The following RANBP9 variants were observed in gnomAD, a reference collection of about 807,000 sequenced individuals.
The protein encoded by RANBP9 is RAN binding protein 9.
A neutral mutation model predicts 84.3 loss-of-function variants in RANBP9; 15 were observed. That is an observed-to-expected ratio of 0.18 (90% confidence interval 0.12 to 0.27). The LOEUF (loss-of-function observed/expected upper bound fraction) is 0.27, where lower values mean the gene tolerates loss of function less well. Among genes scored for constraint, RANBP9 ranks in the 10% least tolerant of loss-of-function variants. The probability of loss-of-function intolerance (pLI) is 1.00; values close to 1 mark genes in which losing one functional copy is unlikely to be tolerated. For synonymous variants in RANBP9, 392 were observed against 349.6 expected, an observed-to-expected ratio of 1.12 and a Z score of -1.35; for missense variants, 809 against 912.8, an observed-to-expected ratio of 0.89 and a Z score of 1.46.
At chr6:13,663,565 T>C (rs972060038) in intron 2 of RANBP9, among the ~76,000 whole-genome samples, 7 of 152,098 alleles carry the variant, frequency 4.6e-5, no homozygotes, top group African/African-American at 1.7e-4. Context: ...TGCAAGTTTC[T>C]ATATTTTACA....
At chr6:13,705,602 C>G (rs1584951982) in intron 1 of RANBP9, among the ~76,000 whole-genome samples, 1 of 151,942 alleles carries the variant, frequency 6.6e-6, no homozygotes, top group African/African-American at 2.4e-5. Flanking sequence ...TGGCTCACGC[C>G]TGTAATCCCA....
chr6:13,702,691 C>T lies in RANBP9; in HGVS notation c.572-5795G>A, dbSNP rs1215413902. ...ATTAGAAGCTAAACACCAGGTAAAA[C>T]GTAACTCCACTATCAGCCGTTAAAA... On this transcript the variant is annotated intron_variant, in intron 1 of 13. Transcript: ENST00000011619. 2.6e-5 allele frequency among the ~76,000 whole-genome samples: 4 copies of T among 151,810 alleles called. 1 individual carries two copies. The South Asian group carries it at 6.2e-4, about 24-fold the overall frequency.
At chr6:13,692,876 G>A (rs1181710749) in intron 2 of RANBP9, among the ~76,000 whole-genome samples, 1 of 152,100 alleles carries the variant, frequency 6.6e-6, no homozygotes, top group Middle Eastern at 3.2e-3. Context: ...CAAAAAAATA[G>A]TTTTCTCCAA....
chr6:13,651,570 A>ATT (rs1303546065), intron 5 of RANBP9, among the ~76,000 whole-genome samples: 9 of 141,626 alleles, frequency 6.4e-5, no homozygotes, highest in Admixed American at 7.0e-5. Flanking sequence ...AATTTTTTGT[A>ATT]TTTTTTTTTT....
chr6:13,644,846 A>T (rs919796244), intron 5 of RANBP9, 117 bp from the exon 6 acceptor site: 2 of 878,470 alleles, frequency 2.3e-6, no homozygotes, highest in Non-Finnish European at 1.6e-6. Flanking sequence ...TTAAAATCCC[A>T]ATCAAAATAT....
rs1417167739 is a variant in RANBP9 at position 13,711,116 on chromosome 6, C to G, written c.390G>C (p.Ala130=). ...CCGAGTCCCCGTGAGGGAAGGGGGC[C>G]GCGGCGCTGCTGCCCGCCACCAGAG... ...TPALVAGSSA[A]APFPHGDSAL... Residue 130 remains alanine, a synonymous_variant, in exon 1 of 14, where the codon GCG becomes GCC. Transcript: ENST00000011619. The G allele has an allele frequency of 6.4e-7, 1 of 1,551,310 alleles. No individual in the cohort carries two copies. Among genetic ancestry groups the G allele is most frequent in the Non-Finnish European group, 8.7e-7 (1 of 1,149,266 alleles).
intron 2 of RANBP9, among the ~76,000 whole-genome samples, chr6:13,669,207 T>A (rs951844440): frequency 1.3e-5 from 2 of 152,070 alleles, no homozygotes; most frequent in African/African-American, 4.8e-5. Flanking sequence ...AACGACATTG[T>A]TGAAAAAATG....
At chr6:13,622,917 C>T (rs556508216) in intron 13 of RANBP9, among the ~76,000 whole-genome samples, 2 of 152,268 alleles carry the variant, frequency 1.3e-5, no homozygotes, top group East Asian at 3.9e-4. Flanking sequence ...GTTCTTCCAC[C>T]TCTGTGGATA....
intron 5 of RANBP9, among the ~76,000 whole-genome samples, chr6:13,651,776 A>G (rs1765303303): frequency 6.6e-6 from 1 of 151,922 alleles, no homozygotes; most frequent in Admixed American, 6.6e-5. Flanking sequence ...AAAGTCCACA[A>G]TGTCTTTGTA....
chr6:13,698,181 G>A (rs1757886609), intron 1 of RANBP9, among the ~76,000 whole-genome samples: 1 of 151,862 alleles, frequency 6.6e-6, no homozygotes, highest in Non-Finnish European at 1.5e-5. Flanking sequence ...AATGAATTCT[G>A]CCACTCCTTC....
intron 5 of RANBP9, among the ~76,000 whole-genome samples, chr6:13,650,899 G>A (rs1171921107): frequency 6.6e-6 from 1 of 152,070 alleles, no homozygotes; most frequent in African/African-American, 2.4e-5. Flanking sequence ...GGGAAGCAGA[G>A]GTTGCAGTGA....
intron 2 of RANBP9, among the ~76,000 whole-genome samples, chr6:13,677,901 T>C (rs1209453615): frequency 6.6e-6 from 1 of 152,094 alleles, no homozygotes; most frequent in Non-Finnish European, 1.5e-5. Context: ...GTGGATCACT[T>C]GAACCCAACA....
intron 2 of RANBP9, among the ~76,000 whole-genome samples, chr6:13,677,105 C>A (rs1765903628): frequency 6.6e-6 from 1 of 152,000 alleles, no homozygotes; most frequent in Admixed American, 6.6e-5. Flanking sequence ...TTTATGCAGA[C>A]AACATCAAAG....
intron 2 of RANBP9, among the ~76,000 whole-genome samples, chr6:13,662,523 G>A (rs966501228): frequency 6.6e-6 from 1 of 152,100 alleles, no homozygotes; most frequent in Non-Finnish European, 1.5e-5. Context: ...TATGAGATGG[G>A]GCCTCTGGGA....
At position 13,641,185 on chromosome 6, in the gene RANBP9, T is replaced by C. The variant is rs1240258807; in HGVS notation, c.1334+14A>G. On this transcript the variant is annotated intron_variant, in intron 8 of 13. Transcript: ENST00000011619. ...AATATATAACAAATATAGCATTTTA[T>C]TATGCAAACTCACTTTAATGTGAAA... The C allele has an allele frequency of 7.2e-7, 1 of 1,393,806 alleles. No homozygotes were observed. Among genetic ancestry groups the C allele is most frequent in the Admixed American group, 2.0e-5 (1 of 49,932 alleles). The allele number at this position is 1,393,806 out of a possible 1,614,324, so 86.3% of individuals were successfully genotyped here. A position where few individuals can be genotyped will look rare whatever the true frequency, so the allele number is the denominator to read the frequency against.
intron 2 of RANBP9, among the ~76,000 whole-genome samples, chr6:13,683,672 T>G (rs1341030376): frequency 6.6e-6 from 1 of 152,148 alleles, no homozygotes; most frequent in South Asian, 2.1e-4. Flanking sequence ...TGTATATGCT[T>G]TTAAAAATAT....
intron 1 of RANBP9, among the ~76,000 whole-genome samples, chr6:13,706,991 G>A (rs1336683595): frequency 7.5e-6 from 1 of 132,938 alleles, no homozygotes; most frequent in Non-Finnish European, 1.6e-5. Context: ...GGACGATAGA[G>A]CAAGACTCTG....
intron 2 of RANBP9, among the ~76,000 whole-genome samples, chr6:13,667,096 A>G (rs1765667839): frequency 1.3e-5 from 2 of 152,234 alleles, no homozygotes; most frequent in East Asian, 3.8e-4. Flanking sequence ...GTGTTTACCA[A>G]GAGCAATGAA....
At chr6:13,642,420 A>T (rs2127765544) in intron 7 of RANBP9, 59 bp downstream of exon 7, 1 of 1,023,922 alleles carries the variant, frequency 9.8e-7, no homozygotes, top group Non-Finnish European at 1.4e-6. Flanking sequence ...TCTAAAAATT[A>T]AAGTAACCAA....
Sources: allele counts gnomAD v4.1 joint callset (sites outside exome capture counted in the v4.1 genomes callset), GRCh38; gene constraint gnomAD v4.1.1; transcripts MANE v1.5; gene names NCBI Gene and HGNC (gene_info 2026-07-23, HGNC 2026-07-21).